STIMATE: variants seen among roughly 807,000 people sequenced by gnomAD.
STIMATE encodes store-operated calcium entry regulator STIMATE.
STIMATE carries 15 observed loss-of-function variants against 36.7 expected under a neutral mutation model. The ratio of observed to expected loss-of-function variants is 0.41; its 90% CI spans 0.27 to 0.63. STIMATE has a LOEUF of 0.63. STIMATE is among the 20% of genes least tolerant of loss of function. The pLI is 0.32. For missense variants in STIMATE, 305 were observed against 397.3 expected (o/e 0.77, Z 1.98); for synonymous variants, 163 against 162.3 (o/e 1.00, Z -0.03).
intron 3 of STIMATE, among the ~76,000 whole-genome samples, chr3:52,851,116 C>G (rs1700990116): frequency 6.6e-6 from 1 of 152,358 alleles, no homozygotes; most frequent in Middle Eastern, 3.4e-3. Flanking sequence ...GGGCATACCA[C>G]ATGAACTGTG....
chr3:52,839,119 GACCATTCCCCAGGGAGGGGACA>G lies in STIMATE; in HGVS notation c.*1353_*1374del, dbSNP rs1700754773. On this transcript the variant is annotated 3_prime_UTR_variant, in exon 8 of 8. Coordinates refer to ENST00000355083, the MANE Select transcript of STIMATE (RefSeq NM_198563.5). ...GCCTGTGGCCATGCTGAGGAGTAGT[GACCATTCCCCAGGGAGGGGACA>G]CGGCCTAGAAGCACCTTGCCCTGCC... 6.6e-6 allele frequency: 1 copy of G among 152,244 alleles called. No homozygotes were observed. Among genetic ancestry groups the G allele is most frequent in the Non-Finnish European group, 1.5e-5 (1 of 68,052 alleles). The allele number at this position is 152,244 out of a possible 1,614,324, so 9.4% of individuals were successfully genotyped here.
chr3:52,847,080 T>A (rs2001735), intron 4 of STIMATE: 202,718 of 297,650 alleles, frequency 0.68, 69,119 homozygotes, highest in Non-Finnish European at 0.74. Context: ...TTAAAAAAAA[T>A]TTTTTTTTTT....
chr3:52,865,352 TCC>T (rs1427099116), intron 1 of STIMATE, among the ~76,000 whole-genome samples: 2 of 152,212 alleles, frequency 1.3e-5, no homozygotes, highest in Non-Finnish European at 2.9e-5. Flanking sequence ...CAAAGTTGCT[TCC>T]ACATTTTTGG....
At chr3:52,868,671 G>C (rs1184447306) in intron 1 of STIMATE, among the ~76,000 whole-genome samples, 2 of 152,150 alleles carry the variant, frequency 1.3e-5, no homozygotes, top group South Asian at 4.2e-4. Context: ...CGCTCAGGCT[G>C]GAGTGCAGTG....
chr3:52,852,939 AT>A (rs1272123215), intron 2 of STIMATE, among the ~76,000 whole-genome samples: 1 of 152,142 alleles, frequency 6.6e-6, no homozygotes, highest in East Asian at 1.9e-4. Context: ...TACGTTTTAA[AT>A]TTTTTTCTTA....
intron 1 of STIMATE, among the ~76,000 whole-genome samples, chr3:52,855,735 T>C (rs1003352663): frequency 1.3e-5 from 2 of 152,136 alleles, no homozygotes; most frequent in Non-Finnish European, 2.9e-5. Context: ...CAGATAAGGA[T>C]TGGTAATGAC....
chr3:52,838,490 T>C lies in STIMATE; in HGVS notation c.*2004A>G, dbSNP rs1300001247. The C allele has an allele frequency of 6.6e-6, 1 of 152,236 alleles. No homozygotes were observed. Among genetic ancestry groups the C allele is most frequent in the Non-Finnish European group, 1.5e-5 (1 of 68,046 alleles). 9.4% of individuals were successfully genotyped at this position (152,236 alleles called of 1,614,324 possible). On this transcript the variant is annotated 3_prime_UTR_variant, in exon 8 of 8. Coordinates refer to ENST00000355083, the MANE Select transcript of STIMATE (RefSeq NM_198563.5). ...ACCGTCCTGTCAGGAACATGAGTCT[T>C]GGTCTTCCTAAATTCGACTGAGAAT...
chr3:52,887,994 G>GATTTTTTT (rs1701717089), intron 1 of STIMATE, among the ~76,000 whole-genome samples: 2 of 52,694 alleles, frequency 3.8e-5, no homozygotes, highest in African/African-American at 7.0e-5. Context: ...AACAGAATCA[G>GATTTTTTT]TTTTTTTTTT....
chr3:52,887,434 G>A (rs1054579131), intron 1 of STIMATE, among the ~76,000 whole-genome samples: 14 of 152,210 alleles, frequency 9.2e-5, no homozygotes, highest in African/African-American at 2.4e-4. Flanking sequence ...GGATGTTTGC[G>A]GCACAGGAAA....
rs755065163 is a variant in STIMATE at position 52,897,374 on chromosome 3, C to G, written c.77G>C (p.Arg26Pro). The change falls in exon 1 of 8, where the codon CGC (arginine) becomes CCC (proline). Residue 26 changes from arginine (R) to proline (P), a missense_variant. Arg to Pro is a moderately radical substitution (Grantham distance 103). Around this residue, in one of 3 missense-constraint regions of STIMATE, gnomAD observed 57 missense variants for 57.1 expected, o/e 1.00. Transcript: ENST00000355083. ...GTGCATGAGCGCGCCGCTCTCGCAGCGGCCCGCCCCGGACGCGACTGTGGA... is the reference window on the plus strand; with the variant it reads ...GTGCATGAGCGCGCCGCTCTCGCAGGGGCCCGCCCCGGACGCGACTGTGGA... ...PPSTVASGAG[R>P]CESGALMHSF... is the part of the protein sequence containing the mutation. 2 of 1,505,330 alleles carry G rather than the reference C, an allele frequency of 1.3e-6. No individual in the cohort carries two copies. Among genetic ancestry groups the G allele is most frequent in the Non-Finnish European group, 1.8e-6 (2 of 1,133,566 alleles). The allele number at this position is 1,505,330 out of a possible 1,614,324, so 93.2% of individuals were successfully genotyped here.
intron 1 of STIMATE, among the ~76,000 whole-genome samples, chr3:52,867,021 C>T (rs375643514): frequency 2.6e-5 from 4 of 152,290 alleles, no homozygotes; most frequent in South Asian, 2.1e-4. Context: ...CGGGGTCTCC[C>T]GGCTGCAGCC....
intron 1 of STIMATE, among the ~76,000 whole-genome samples, chr3:52,880,319 C>G (rs1183237835): frequency 1.5e-4 from 23 of 152,222 alleles, no homozygotes; most frequent in Admixed American, 1.5e-3. Flanking sequence ...CAAGAGGGAC[C>G]AGATGTGGGT....
chr3:52,866,729 C>T (rs944647557), intron 1 of STIMATE, among the ~76,000 whole-genome samples: 5 of 152,230 alleles, frequency 3.3e-5, no homozygotes, highest in African/African-American at 1.2e-4. Context: ...TGGGCTGGCG[C>T]TCCACGTGGA....
intron 1 of STIMATE, among the ~76,000 whole-genome samples, chr3:52,878,926 G>A (rs1420128963): frequency 3.3e-5 from 5 of 152,210 alleles, no homozygotes; most frequent in Non-Finnish European, 1.5e-5. Context: ...CAACGGCAGT[G>A]CAAGTGCACG....
At chr3:52,844,119 G>C (rs1301898884) in intron 5 of STIMATE, among the ~76,000 whole-genome samples, 1 of 152,146 alleles carries the variant, frequency 6.6e-6, no homozygotes, top group Non-Finnish European at 1.5e-5. Context: ...CAGGGGGCTG[G>C]AGGGGTGAAC....
At position 52,897,397 on chromosome 3, in the gene STIMATE, G is replaced by A; in HGVS notation, c.54C>T (p.Ser18=). The A allele has an allele frequency of 1.3e-6, 2 of 1,494,302 alleles. No individual in the cohort carries two copies. The highest frequency in any genetic ancestry group is 8.9e-7 in the Non-Finnish European group (1 of 1,128,724). The allele number at this position is 1,494,302 out of a possible 1,614,324, so 92.6% of individuals were successfully genotyped here. Residue 18 remains serine, a synonymous_variant, in exon 1 of 8, where the codon TCC becomes TCT. Transcript: ENST00000355083. ...AGCGGCCCGCCCCGGACGCGACTGT[G>A]GAGGGCGGCCCGCCTGGCAGTCCCC... ...ASRGLPGGPP[S]TVASGAGRCE... is the part of the protein sequence containing the mutation.
At chr3:52,874,060 T>A (rs751962182) in intron 1 of STIMATE, among the ~76,000 whole-genome samples, 3 of 152,350 alleles carry the variant, frequency 2.0e-5, no homozygotes, top group Non-Finnish European at 4.4e-5. Context: ...TGACTCAGCT[T>A]TTCCTCTATA....
intron 1 of STIMATE, among the ~76,000 whole-genome samples, chr3:52,862,823 G>C (rs185188694): frequency 6.6e-6 from 1 of 152,200 alleles, no homozygotes; most frequent in African/African-American, 2.4e-5. Context: ...GGACTAATCT[G>C]GTGGGCTCTA....
chr3:52,860,911 G>A (rs1285365712), intron 1 of STIMATE, among the ~76,000 whole-genome samples: 2 of 152,182 alleles, frequency 1.3e-5, no homozygotes, highest in Non-Finnish European at 2.9e-5. Flanking sequence ...CAGACAGTAA[G>A]CCAGGCACCC....
Sources: allele counts gnomAD v4.1 joint callset (sites outside exome capture counted in the v4.1 genomes callset), GRCh38; gene constraint gnomAD v4.1.1; regional missense constraint gnomAD v4.1.1; transcripts MANE v1.5; gene names NCBI Gene and HGNC (gene_info 2026-07-23, HGNC 2026-07-21).